FUT9: variants seen among roughly 807,000 people sequenced by gnomAD.
The protein encoded by FUT9 is fucosyltransferase 9.
Under a neutral mutation model 29.7 loss-of-function variants are expected in FUT9, and 15 were observed. The ratio of observed to expected loss-of-function variants is 0.51; its 90% CI spans 0.34 to 0.78. The LOEUF is 0.78. FUT9 is among the 30% of genes least tolerant of loss of function. FUT9 has a pLI of 0.01. For missense variants in FUT9, 319 were observed against 425.4 expected (o/e 0.75, Z 2.20); for synonymous variants, 169 against 153.7 (o/e 1.10, Z -0.74).
chr6:96,123,211 T>C (rs1040120463), intron 2 of FUT9, among the ~76,000 whole-genome samples: 1 of 151,944 alleles, frequency 6.6e-6, no homozygotes, highest in East Asian at 1.9e-4. Context: ...CCAAAGGATA[T>C]GACTATATAT....
chr6:96,200,223 A>G lies in FUT9; in HGVS notation c.-8-2925A>G, dbSNP rs572981327. Reference sequence around the variant, plus strand: ...AATAAGTGCCATATATATGTGTCAGATACCCTTGTTAAAAGAAATTAATCT... The same window carrying G: ...AATAAGTGCCATATATATGTGTCAGGTACCCTTGTTAAAAGAAATTAATCT... On this transcript the variant is annotated intron_variant, in intron 2 of 2. Transcript: ENST00000302103. 2.6e-5 allele frequency among the ~76,000 whole-genome samples: 4 copies of G among 152,310 alleles called. No homozygotes were observed. The South Asian group carries it at 8.3e-4, about 32-fold the overall frequency.
chr6:96,069,501 G>C (rs1190320865), intron 1 of FUT9, among the ~76,000 whole-genome samples: 3 of 151,980 alleles, frequency 2.0e-5, no homozygotes, highest in Admixed American at 6.5e-5. Flanking sequence ...AATCTCAATA[G>C]AATACCTTTA....
chr6:96,046,174 C>A (rs1339850120), intron 1 of FUT9, among the ~76,000 whole-genome samples: 1 of 149,598 alleles, frequency 6.7e-6, no homozygotes, highest in East Asian at 2.0e-4. Flanking sequence ...AACTAGGACC[C>A]AAAAGGGGAA....
intron 1 of FUT9, among the ~76,000 whole-genome samples, chr6:96,019,779 A>G (rs779565101): frequency 6.6e-6 from 1 of 152,078 alleles, no homozygotes; most frequent in Non-Finnish European, 1.5e-5. Flanking sequence ...AGAAAGATTC[A>G]CGGAATTCAG....
At chr6:96,034,320 T>C (rs1465054719) in intron 1 of FUT9, among the ~76,000 whole-genome samples, 1 of 151,608 alleles carries the variant, frequency 6.6e-6, no homozygotes, top group East Asian at 1.9e-4. Context: ...CCTATGAGGT[T>C]ATGGTTAAGC....
chr6:96,198,143 T>G (rs145309295), intron 2 of FUT9, among the ~76,000 whole-genome samples: 2,267 of 152,138 alleles, frequency 0.015, 61 homozygotes, highest in African/African-American at 0.051. Flanking sequence ...GTACTTTAAG[T>G]TTTAGGGTAC....
chr6:96,161,850 C>T (rs531107600), intron 2 of FUT9, among the ~76,000 whole-genome samples: 15 of 152,304 alleles, frequency 9.8e-5, no homozygotes, highest in African/African-American at 3.4e-4. Flanking sequence ...GTGATAATCA[C>T]CATTCCAAGA....
intron 1 of FUT9, among the ~76,000 whole-genome samples, chr6:96,068,601 A>G (rs1041444675): frequency 3.9e-5 from 6 of 152,224 alleles, no homozygotes; most frequent in African/African-American, 1.2e-4. Context: ...TAGCATCTGA[A>G]TAAATTGAAA....
At chr6:96,119,684 C>A (rs1016690366) in intron 2 of FUT9, among the ~76,000 whole-genome samples, 2 of 152,134 alleles carry the variant, frequency 1.3e-5, no homozygotes, top group Non-Finnish European at 2.9e-5. Flanking sequence ...TCCTTTAATA[C>A]CTTCATCACT....
At chr6:96,194,238 T>C (rs566482529) in intron 2 of FUT9, among the ~76,000 whole-genome samples, 12 of 152,236 alleles carry the variant, frequency 7.9e-5, no homozygotes, top group African/African-American at 2.6e-4. Context: ...TCAGAACTAC[T>C]TGGAGGGCTC....
intron 2 of FUT9, among the ~76,000 whole-genome samples, chr6:96,193,712 G>A (rs200097322): frequency 1.7e-4 from 26 of 152,030 alleles, no homozygotes; most frequent in East Asian, 1.2e-3. Flanking sequence ...GGTTTATACC[G>A]AAAGGATTAT....
chr6:96,190,109 C>A (rs1773478165), intron 2 of FUT9, among the ~76,000 whole-genome samples: 2 of 152,100 alleles, frequency 1.3e-5, no homozygotes, highest in East Asian at 3.9e-4. Flanking sequence ...CTGGTGGTGA[C>A]AAAATCTCTC....
At chr6:96,150,684 A>T (rs1772659906) in intron 2 of FUT9, among the ~76,000 whole-genome samples, 1 of 152,220 alleles carries the variant, frequency 6.6e-6, no homozygotes, top group South Asian at 2.1e-4. Context: ...AGACTAATCC[A>T]CGTGCCACTA....
intron 2 of FUT9, among the ~76,000 whole-genome samples, chr6:96,193,712 G>T (rs200097322): frequency 6.6e-6 from 1 of 151,912 alleles, no homozygotes; most frequent in Non-Finnish European, 1.5e-5. Context: ...GGTTTATACC[G>T]AAAGGATTAT....
chr6:96,153,360 A>G (rs1772717215), intron 2 of FUT9, among the ~76,000 whole-genome samples: 1 of 152,134 alleles, frequency 6.6e-6, no homozygotes, highest in Admixed American at 6.6e-5. Flanking sequence ...TTAAAATCAC[A>G]AAAGGACATT....
intron 2 of FUT9, among the ~76,000 whole-genome samples, chr6:96,193,048 T>C (rs1361530950): frequency 6.6e-6 from 1 of 150,610 alleles, no homozygotes; most frequent in Non-Finnish European, 1.5e-5. Context: ...ATACAAAAAT[T>C]AATTCAAGAT....
Position 96,205,979 on chromosome 6 carries a change from C to T in FUT9, c.*1744C>T, listed in dbSNP as rs1276504706. On this transcript the variant is annotated 3_prime_UTR_variant, in exon 3 of 3. Coordinates refer to ENST00000302103, the MANE Select transcript of FUT9 (RefSeq NM_006581.4). ...AGCCAAGATTGAATGCAGTGTCAGG[C>T]ACTGCCTTAACACCCACAGAGATAA... The T allele has an allele frequency of 6.0e-6, 1 of 166,962 alleles. No homozygotes were observed. The highest frequency in any genetic ancestry group is 1.9e-4 in the East Asian group (1 of 5,184). 10.3% of individuals were successfully genotyped at this position (166,962 alleles called of 1,614,324 possible). A position where few individuals can be genotyped will look rare whatever the true frequency, so the allele number is the denominator to read the frequency against.
chr6:96,215,295 CCTTCT>C lies in FUT9; in HGVS notation c.*11062_*11066del, dbSNP rs1371559803. ...TAAACATGCTGTCACAACATGGATT[CCTTCT>C]CATGGATGTCTTTCTAGGCTTATAA... is the stretch of plus-strand genomic sequence containing the variant. On this transcript the variant is annotated 3_prime_UTR_variant, in exon 3 of 3. Coordinates refer to ENST00000302103, the MANE Select transcript of FUT9 (RefSeq NM_006581.4). The C allele has an allele frequency of 6.0e-6, 1 of 166,984 alleles. No individual in the cohort carries two copies. Among genetic ancestry groups the C allele is most frequent in the African/African-American group, 2.4e-5 (1 of 41,422 alleles). The allele number at this position is 166,984 out of a possible 1,614,324, so 10.3% of individuals were successfully genotyped here.
intron 2 of FUT9, among the ~76,000 whole-genome samples, chr6:96,161,487 A>G (rs11156251): frequency 0.16 from 24,115 of 152,224 alleles, 2,122 homozygotes; most frequent in African/African-American, 0.19. Context: ...GAACTAAGAC[A>G]GAAACATAGA....
Sources: gnomAD v4.1 joint callset for allele counts (sites outside exome capture counted in the v4.1 genomes callset) on GRCh38, gnomAD v4.1.1 for gene constraint, MANE v1.5 for transcripts, NCBI Gene and HGNC (gene_info 2026-07-23, HGNC 2026-07-21) for gene names.